The following ARHGAP42 variants were observed in gnomAD, a reference collection of about 807,000 sequenced individuals.
ARHGAP42 encodes Rho GTPase activating protein 42, also known as rho GTPase-activating protein 42.
A neutral mutation model predicts 125.0 loss-of-function variants in ARHGAP42; 63 were observed. That is an observed-to-expected ratio of 0.50 (90% CI 0.41 to 0.62). The LOEUF (loss-of-function observed/expected upper bound fraction) is 0.62. Among genes scored for constraint, ARHGAP42 ranks in the 20% least tolerant of loss-of-function variants. The pLI, the probability that ARHGAP42 is intolerant of heterozygous loss-of-function variation, is 0.00. For synonymous variants in ARHGAP42, 339 were observed against 351.0 expected (o/e 0.97, Z 0.38); for missense variants, 766 against 1,024.2 (o/e 0.75, Z 3.44).
intron 10 of ARHGAP42, among the ~76,000 whole-genome samples, chr11:100,947,073 C>T (rs959292946): frequency 2.0e-5 from 3 of 151,874 alleles, no homozygotes; most frequent in Admixed American, 1.3e-4. Flanking sequence ...CCTTGTTTCT[C>T]AAAATATCTT....
At chr11:100,891,668 C>T (rs753791982) in intron 4 of ARHGAP42, among the ~76,000 whole-genome samples, 78 of 152,192 alleles carry the variant, frequency 5.1e-4, no homozygotes, top group Admixed American at 8.5e-4. Context: ...GCCTCAAACT[C>T]CTGACCTCAG....
At chr11:100,805,286 T>G (rs2135049804) in intron 3 of ARHGAP42, among the ~76,000 whole-genome samples, 1 of 152,334 alleles carries the variant, frequency 6.6e-6, no homozygotes, top group African/African-American at 2.4e-5. Context: ...TCTATTTCAA[T>G]TACAGATTCC....
At chr11:100,973,415 A>C in intron 18 of ARHGAP42, 81 bp downstream of exon 18, 2 of 1,403,042 alleles carry the variant, frequency 1.4e-6, no homozygotes, top group Non-Finnish European at 9.7e-7. Flanking sequence ...CTGTGAGCTC[A>C]TGAGTTTTGT....
intron 1 of ARHGAP42, among the ~76,000 whole-genome samples, chr11:100,759,499 C>CT (rs1322518406): frequency 6.6e-6 from 1 of 152,084 alleles, no homozygotes; most frequent in Non-Finnish European, 1.5e-5. Context: ...GCAGTAAAGG[C>CT]TGGAGGGGTT....
At chr11:100,943,545 T>C (rs1462800105) in intron 9 of ARHGAP42, among the ~76,000 whole-genome samples, 2 of 152,118 alleles carry the variant, frequency 1.3e-5, no homozygotes, top group Non-Finnish European at 2.9e-5. Flanking sequence ...CATAATTCTT[T>C]TAAATAAAAC....
Position 100,823,246 on chromosome 11 carries a change from G to C in ARHGAP42, c.312+28080G>C, listed in dbSNP as rs150023494. Among the ~76,000 whole-genome samples, 628 of 152,232 alleles carry C rather than the reference G, an allele frequency of 4.1e-3. 2 individuals are homozygous for C. The highest frequency in any genetic ancestry group is 0.014 in the African/African-American group (598 of 41,564). On this transcript the variant is annotated intron_variant, in intron 3 of 23. Coordinates refer to ENST00000298815, the MANE Select transcript of ARHGAP42 (RefSeq NM_152432.4). ...ACTGGGAATCAACATATTCCTTTTA[G>C]GTCTAGGAGCACCATTTGCTTCATT...
At chr11:100,878,537 G>C (rs1377602365) in intron 4 of ARHGAP42, among the ~76,000 whole-genome samples, 1 of 152,140 alleles carries the variant, frequency 6.6e-6, no homozygotes, top group African/African-American at 2.4e-5. Flanking sequence ...AATTTCATTT[G>C]TTTGTGGGTG....
chr11:100,921,127 G>A (rs1341932408), intron 5 of ARHGAP42, among the ~76,000 whole-genome samples: 1 of 140,154 alleles, frequency 7.1e-6, no homozygotes, highest in Non-Finnish European at 1.5e-5. Context: ...CCACCATTTT[G>A]TCCCATAATT....
chr11:100,957,533 T>C (rs542951777), intron 12 of ARHGAP42, among the ~76,000 whole-genome samples: 12 of 152,232 alleles, frequency 7.9e-5, no homozygotes, highest in Non-Finnish European at 1.5e-4. Context: ...TAAACAAAGC[T>C]GTGCACTAAC....
chr11:100,974,664 T>A, intron 19 of ARHGAP42, 61 bp downstream of exon 19: 1 of 1,450,148 alleles, frequency 6.9e-7, no homozygotes, highest in Non-Finnish European at 9.2e-7. Context: ...TGTATTTCAC[T>A]GTATTGGTAA....
At chr11:100,898,986 T>C (rs1480834075) in intron 4 of ARHGAP42, among the ~76,000 whole-genome samples, 1 of 152,240 alleles carries the variant, frequency 6.6e-6, no homozygotes, top group Non-Finnish European at 1.5e-5. Flanking sequence ...TTTAGTGCTA[T>C]AAATTTCCCT....
In ARHGAP42 at chr11:100,869,232, T is replaced by C. The variant is rs185358992; in HGVS notation, c.384+9607T>C. 4.3e-4 allele frequency among the ~76,000 whole-genome samples: 65 copies of C among 152,182 alleles called. No homozygotes were observed. The East Asian group carries it at 0.012, about 28-fold the overall frequency. Reference sequence around the variant, plus strand: ...AACACTATTAGATATAGCACTCTTATAAAGTAGAAGGTATCATCATTTTTC... The same window carrying C: ...AACACTATTAGATATAGCACTCTTACAAAGTAGAAGGTATCATCATTTTTC... On this transcript the variant is annotated intron_variant, in intron 4 of 23. Coordinates refer to ENST00000298815, the MANE Select transcript of ARHGAP42 (RefSeq NM_152432.4).
chr11:100,808,701 G>A (rs866306549), intron 3 of ARHGAP42, among the ~76,000 whole-genome samples: 2 of 152,076 alleles, frequency 1.3e-5, no homozygotes, highest in Non-Finnish European at 1.5e-5. Context: ...CACCGCGCCC[G>A]GCCAAATTCA....
chr11:100,836,231 A>C (rs1408184054), intron 3 of ARHGAP42, among the ~76,000 whole-genome samples: 2 of 152,110 alleles, frequency 1.3e-5, no homozygotes, highest in African/African-American at 4.8e-5. Flanking sequence ...ACCTTTTCCT[A>C]AAATGTTCAC....
At chr11:100,853,804 T>C (rs1204121276) in intron 3 of ARHGAP42, among the ~76,000 whole-genome samples, 1 of 152,014 alleles carries the variant, frequency 6.6e-6, no homozygotes, top group Non-Finnish European at 1.5e-5. Context: ...TTGCTTGCCA[T>C]TTTACCCCTA....
intron 3 of ARHGAP42, among the ~76,000 whole-genome samples, chr11:100,811,990 G>A (rs7932727): frequency 1.3e-5 from 2 of 151,776 alleles, no homozygotes; most frequent in African/African-American, 4.8e-5. Flanking sequence ...ATAGAGATGG[G>A]GTCTCTCCCC....
intron 16 of ARHGAP42, 41 bp downstream of exon 16, chr11:100,962,508 G>C: frequency 6.8e-7 from 1 of 1,460,120 alleles, no homozygotes; most frequent in Non-Finnish European, 9.4e-7. Context: ...AATTGATGTA[G>C]TTTTATGCTG....
rs566053849 is a variant in ARHGAP42, at chr11:100,719,915, C to T, written c.154+32083C>T. ...CTACTTCTGTATCCTAGGCAGTTTT[C>T]CAGGCTGTAGTTTCACCCCCAACCT... On this transcript the variant is annotated intron_variant, in intron 1 of 23. Coordinates refer to ENST00000298815, the MANE Select transcript of ARHGAP42 (RefSeq NM_152432.4). Among the ~76,000 whole-genome samples the T allele has an allele frequency of 4.6e-5, 7 of 152,314 alleles. No homozygotes were observed. In the South Asian group the frequency reaches 1.2e-3, roughly 27 times the overall value.
chr11:100,865,271 A>T (rs1591250021), intron 4 of ARHGAP42, among the ~76,000 whole-genome samples: 1 of 152,204 alleles, frequency 6.6e-6, no homozygotes, highest in South Asian at 2.1e-4. Flanking sequence ...ATCCAAAAAA[A>T]TCTATATATA....
Sources: gnomAD v4.1 joint callset for allele counts (sites outside exome capture counted in the v4.1 genomes callset) on GRCh38, gnomAD v4.1.1 for gene constraint, MANE v1.5 for transcripts, NCBI Gene and HGNC (gene_info 2026-07-23, HGNC 2026-07-21) for gene names.